Variants in SGCB observed in about 807,000 individuals in gnomAD.
SGCB encodes sarcoglycan beta.
A neutral mutation model predicts 27.3 loss-of-function variants in SGCB; 25 were observed. That is an observed-to-expected ratio of 0.92 (90% confidence interval 0.67 to 1.28). The LOEUF (loss-of-function observed/expected upper bound fraction) is 1.28, where lower values mean the gene tolerates loss of function less well. SGCB is among the 50% of genes most tolerant of loss of function. The probability of loss-of-function intolerance (pLI) is 0.00; values close to 1 mark genes in which losing one functional copy is unlikely to be tolerated. For missense variants in SGCB, 436 were observed against 402.1 expected, an observed-to-expected ratio of 1.08 and a Z score of -0.72; for synonymous variants, 147 against 133.5, an observed-to-expected ratio of 1.10 and a Z score of -0.70.
chr4:52,021,109 A>C lies in SGCB; in HGVS notation c.*2848T>G, dbSNP rs991620209. On this transcript the variant is annotated 3_prime_UTR_variant, in exon 6 of 6. Transcript: ENST00000381431. ...TTTTTCTGTCTGCCCATTATTAAGA[A>C]ATCTTGCATTGATTTCATTTGCCCC... 2.0e-5 allele frequency: 3 copies of C among 152,164 alleles called. No homozygotes were observed. The highest frequency in any genetic ancestry group is 7.2e-5 in the African/African-American group (3 of 41,430). The allele number at this position is 152,164 out of a possible 1,614,324, so 9.4% of individuals were successfully genotyped here. A position where few individuals can be genotyped will look rare whatever the true frequency, so the allele number is the denominator to read the frequency against.
chr4:52,036,966 T>C (rs1035941248), intron 1 of SGCB, among the ~76,000 whole-genome samples: 5 of 152,110 alleles, frequency 3.3e-5, no homozygotes, highest in African/African-American at 1.2e-4. Flanking sequence ...CTATGGAAAA[T>C]TCAGTTAAGT....
At chr4:52,037,554 C>A (rs756064435) in intron 1 of SGCB, among the ~76,000 whole-genome samples, 5 of 152,198 alleles carry the variant, frequency 3.3e-5, no homozygotes, top group Admixed American at 2.0e-4. Flanking sequence ...TATATTAACA[C>A]ACACACATAT....
Position 52,038,267 on chromosome 4 carries a change from C to T in SGCB, c.-8G>A. ...CGCCGCCGCTGCCGCCATCTTCCCG[C>T]GCCCGCCGCCGCCGAGCTCCCCGCC... On this transcript the variant is annotated 5_prime_UTR_variant, in exon 1 of 6. Coordinates refer to ENST00000381431, the MANE Select transcript of SGCB (RefSeq NM_000232.5). 7.7e-7 allele frequency: 1 copy of T among 1,294,408 alleles called. No individual in the cohort carries two copies. Among genetic ancestry groups the T allele is most frequent in the Non-Finnish European group, 9.8e-7 (1 of 1,018,986 alleles). The allele number at this position is 1,294,408 out of a possible 1,614,324, so 80.2% of individuals were successfully genotyped here. A position where few individuals can be genotyped will look rare whatever the true frequency, so the allele number is the denominator to read the frequency against.
chr4:52,033,786 A>G, intron 1 of SGCB, 146 bp from the exon 2 acceptor site: 1 of 711,508 alleles, frequency 1.4e-6, no homozygotes, highest in South Asian at 1.5e-5. Flanking sequence ...ATTGAGTTGC[A>G]GTTCCAAATA....
Position 52,021,235 on chromosome 4 carries a change from T to C in SGCB, c.*2722A>G, listed in dbSNP as rs1270867163. The C allele has an allele frequency of 2.6e-5, 4 of 152,334 alleles. No individual in the cohort carries two copies. Among genetic ancestry groups the C allele is most frequent in the African/African-American group, 9.6e-5 (4 of 41,548 alleles). The allele number at this position is 152,334 out of a possible 1,614,324, so 9.4% of individuals were successfully genotyped here. ...CTATCTTTGTCACCCACCTCCCCCA[T>C]GGCTACTGCTTGTCATATCTGTGCT... On this transcript the variant is annotated 3_prime_UTR_variant, in exon 6 of 6. Transcript: ENST00000381431.
At chr4:52,036,015 C>T (rs1737382406) in intron 1 of SGCB, among the ~76,000 whole-genome samples, 1 of 152,148 alleles carries the variant, frequency 6.6e-6, no homozygotes, top group Non-Finnish European at 1.5e-5. Flanking sequence ...AACATAGTGT[C>T]CACCCTCAAG....
At chr4:52,031,754 T>C (rs1435353694) in intron 2 of SGCB, 1 of 290,046 alleles carries the variant, frequency 3.4e-6, no homozygotes, top group Non-Finnish European at 7.0e-6. Context: ...AAAAGTCTAT[T>C]GATCCCTGGC....
chr4:52,030,973 T>C (rs1433343017), intron 2 of SGCB, among the ~76,000 whole-genome samples: 1 of 152,228 alleles, frequency 6.6e-6, no homozygotes. Context: ...GCCATTGCTT[T>C]ATTGCCTTCC....
intron 1 of SGCB, among the ~76,000 whole-genome samples, chr4:52,036,013 GTC>G (rs930857010): frequency 3.3e-5 from 5 of 152,302 alleles, no homozygotes; most frequent in African/African-American, 1.2e-4. Flanking sequence ...TGAACATAGT[GTC>G]CACCCTCAAG....
intron 5 of SGCB, among the ~76,000 whole-genome samples, chr4:52,026,061 C>T (rs187405866): frequency 6.6e-6 from 1 of 152,098 alleles, no homozygotes; most frequent in East Asian, 1.9e-4. Context: ...TGGGAGGCAT[C>T]GGCTTACAGA....
chr4:52,029,628 C>T, intron 3 of SGCB, 50 bp downstream of exon 3: 1 of 1,253,508 alleles, frequency 8.0e-7, no homozygotes, highest in Non-Finnish European at 1.2e-6. Context: ...GTATTTTTCT[C>T]TAATGCCCCT....
Position 52,038,296 on chromosome 4 carries a change from C to A in SGCB, c.-37G>T. 1.6e-6 allele frequency: 2 copies of A among 1,265,582 alleles called. No individual in the cohort carries two copies. The highest frequency in any genetic ancestry group is 9.9e-7 in the Non-Finnish European group (1 of 1,008,258). The allele number at this position is 1,265,582 out of a possible 1,614,324, so 78.4% of individuals were successfully genotyped here. On this transcript the variant is annotated 5_prime_UTR_variant, in exon 1 of 6. Transcript: ENST00000381431. Reference sequence around the variant, plus strand: ...CGCCGCCGCCGAGCTCCCCGCCCGACTGTGCCCGCCCCTCCGCGACCGCAC... The same window carrying A: ...CGCCGCCGCCGAGCTCCCCGCCCGAATGTGCCCGCCCCTCCGCGACCGCAC...
rs374118044 is a variant in SGCB at position 52,034,058 on chromosome 4, G to A, written c.34-418C>T. On this transcript the variant is annotated intron_variant, in intron 1 of 5. Transcript: ENST00000381431. ...GGATCAAAAATATTTGAGGCCAGGC[G>A]CGGTGGCTCAGGCCTGTAATCCCAG... Among the ~76,000 whole-genome samples the A allele has an allele frequency of 3.2e-4, 49 of 151,870 alleles. 1 individual carries two copies. In the South Asian group the frequency reaches 1.0e-2, roughly 31 times the overall value.
intron 2 of SGCB, among the ~76,000 whole-genome samples, chr4:52,032,349 A>C (rs941966527): frequency 4.6e-5 from 7 of 152,178 alleles, no homozygotes; most frequent in Non-Finnish European, 1.0e-4. Context: ...CTGATAAGTT[A>C]TCTGCCATTG....
intron 5 of SGCB, among the ~76,000 whole-genome samples, chr4:52,025,641 G>C (rs1737070119): frequency 6.6e-6 from 1 of 152,206 alleles, no homozygotes; most frequent in South Asian, 2.1e-4. Context: ...GGAGGATTCT[G>C]AATACAGAAA....
At chr4:52,026,247 T>C (rs1737089042) in intron 5 of SGCB, among the ~76,000 whole-genome samples, 1 of 148,496 alleles carries the variant, frequency 6.7e-6, no homozygotes, top group African/African-American at 2.5e-5. Flanking sequence ...TTTTTTGTTG[T>C]TGGTTTTTTT....
Position 52,034,773 on chromosome 4 carries a change from G to C in SGCB, c.34-1133C>G, listed in dbSNP as rs186572826. ...AAATGCAGGGTGGGGAGTCCTGGGA[G>C]GGTTCCACAAACCCTTTGGGGGGCT... On this transcript the variant is annotated intron_variant, in intron 1 of 5. Transcript: ENST00000381431. Among the ~76,000 whole-genome samples the C allele has an allele frequency of 1.3e-3, 193 of 152,226 alleles. 2 individuals are homozygous for C. The highest frequency in any genetic ancestry group is 9.7e-4 in the Non-Finnish European group (66 of 68,004).
intron 2 of SGCB, among the ~76,000 whole-genome samples, chr4:52,031,308 T>G (rs1045304105): frequency 2.6e-5 from 4 of 152,094 alleles, no homozygotes; most frequent in Admixed American, 6.5e-5. Flanking sequence ...TGGAAGAGTT[T>G]TTTTATCTTC....
intron 3 of SGCB, 42 bp downstream of exon 3, chr4:52,029,636 C>T (rs1737196965): frequency 1.5e-6 from 2 of 1,320,492 alleles, no homozygotes; most frequent in South Asian, 2.3e-5. Flanking sequence ...CTCTAATGCC[C>T]CTCTCCTGTT....
Sources: allele counts gnomAD v4.1 joint callset (sites outside exome capture counted in the v4.1 genomes callset), GRCh38; gene constraint gnomAD v4.1.1; transcripts MANE v1.5; gene names NCBI Gene and HGNC (gene_info 2026-07-23, HGNC 2026-07-21).